Variants in TRERF1 observed in about 807,000 individuals in gnomAD.
TRERF1 encodes transcriptional regulating factor 1, also known as transcriptional-regulating factor 1.
A neutral mutation model predicts 122.9 loss-of-function variants in TRERF1; 27 were observed. The observed-to-expected ratio is 0.22, with a 90% CI of 0.16 to 0.30. TRERF1 has a LOEUF of 0.30. TRERF1 is among the 10% of genes least tolerant of loss of function. The pLI, the probability that TRERF1 is intolerant of heterozygous loss-of-function variation, is 1.00. For missense variants in TRERF1, 1,248 were observed against 1,560.3 expected (o/e 0.80, Z 3.37); for synonymous variants, 636 against 641.7 (o/e 0.99, Z 0.13).
intron 3 of TRERF1, among the ~76,000 whole-genome samples, chr6:42,337,163 A>G (rs2150655345): frequency 6.6e-6 from 1 of 152,318 alleles, no homozygotes; most frequent in East Asian, 1.9e-4. Flanking sequence ...GACGCTGCCC[A>G]AGACCCAGCA....
At chr6:42,226,005 T>A (rs555036867) in exon 18 of TRERF1, 4 of 152,006 alleles carry the variant, frequency 2.6e-5, no homozygotes, top group Admixed American at 1.3e-4. Flanking sequence ...ACACAACACA[T>A]ACATGCAGGC....
chr6:42,374,997 T>A (rs1291239086), intron 2 of TRERF1, among the ~76,000 whole-genome samples: 9 of 118,304 alleles, frequency 7.6e-5, no homozygotes, highest in Non-Finnish European at 1.2e-4. Flanking sequence ...CAGAGCAAGA[T>A]TCTGTCAAAA....
chr6:42,371,495 T>C (rs1399890235), intron 2 of TRERF1, among the ~76,000 whole-genome samples: 3 of 152,270 alleles, frequency 2.0e-5, no homozygotes, highest in East Asian at 1.9e-4. Context: ...CCTCCCAATG[T>C]AGCGGTTCCC....
chr6:42,364,999 G>A (rs373437800), intron 2 of TRERF1, among the ~76,000 whole-genome samples: 18 of 152,146 alleles, frequency 1.2e-4, no homozygotes, highest in African/African-American at 7.2e-5. Flanking sequence ...AGGTGGGAAC[G>A]AGCCCAGATG....
chr6:42,231,060 A>G (rs1770451094), intron 17 of TRERF1, among the ~76,000 whole-genome samples: 1 of 152,270 alleles, frequency 6.6e-6, no homozygotes, highest in South Asian at 2.1e-4. Context: ...CCCAAACAGC[A>G]CATGTTGAAA....
At chr6:42,372,645 A>G (rs564041241) in intron 2 of TRERF1, among the ~76,000 whole-genome samples, 11 of 152,372 alleles carry the variant, frequency 7.2e-5, no homozygotes, top group Non-Finnish European at 1.6e-4. Flanking sequence ...CACTCAAAAC[A>G]GCCAGACAAC....
chr6:42,288,574 C>CAAAAAAAA (rs3074797), intron 4 of TRERF1, among the ~76,000 whole-genome samples: 58 of 86,496 alleles, frequency 6.7e-4, no homozygotes, highest in African/African-American at 2.5e-3. Flanking sequence ...ATCTCAAAAC[C>CAAAAAAAA]AAAAAAAAAA....
At chr6:42,360,792 A>C (rs983984887) in intron 3 of TRERF1, among the ~76,000 whole-genome samples, 25 of 148,068 alleles carry the variant, frequency 1.7e-4, no homozygotes, top group Admixed American at 7.4e-4. Context: ...AAAAAAAAAA[A>C]AAAAAAAAAA....
At chr6:42,451,607 C>G (rs1306380670) in intron 1 of TRERF1, among the ~76,000 whole-genome samples, 67 bp downstream of exon 1, 1 of 151,340 alleles carries the variant, frequency 6.6e-6, no homozygotes. Context: ...TCCCCCCTCC[C>G]CCCTTCTATA....
chr6:42,269,460 C>T lies in TRERF1; in HGVS notation c.131G>A (p.Gly44Glu). The T allele has an allele frequency of 6.2e-7, 1 of 1,614,198 alleles. No homozygotes were observed. The highest frequency in any genetic ancestry group is 8.5e-7 in the Non-Finnish European group (1 of 1,180,044). Residue 44 changes from glycine to glutamate, a missense_variant, in exon 5 of 18, where the codon GGA (glycine) becomes GAA (glutamate). Transcript: ENST00000372922. This position sits in a 1 kb window ranked among gnomAD's most constrained non-coding sequence, Gnocchi z 4.9. ...TGGCGAGGCCTGAGGGGCATCCATT[C>T]CGCCCCCTGTAACTGCATTCCCATA... is the stretch of plus-strand genomic sequence containing the variant.
At chr6:42,283,611 C>CTTT (rs869206003) in intron 4 of TRERF1, among the ~76,000 whole-genome samples, 157 of 107,976 alleles carry the variant, frequency 1.5e-3, no homozygotes, top group Non-Finnish European at 2.1e-3. Context: ...ATGAAAAAAA[C>CTTT]TTTTTTTTTT....
At chr6:42,435,175 A>G (rs1362892618) in intron 2 of TRERF1, among the ~76,000 whole-genome samples, 4 of 151,784 alleles carry the variant, frequency 2.6e-5, no homozygotes, top group African/African-American at 9.7e-5. Flanking sequence ...AAACACACAC[A>G]AAAAAAATGT....
intron 2 of TRERF1, among the ~76,000 whole-genome samples, chr6:42,400,463 C>T (rs944690838): frequency 1.3e-5 from 2 of 152,206 alleles, no homozygotes; most frequent in Non-Finnish European, 2.9e-5. Context: ...CAAGCATTCA[C>T]GATTGCTTGA....
At chr6:42,383,261 A>G (rs552484398) in intron 2 of TRERF1, among the ~76,000 whole-genome samples, 1 of 152,280 alleles carries the variant, frequency 6.6e-6, no homozygotes, top group African/African-American at 2.4e-5. Flanking sequence ...TATTGAGCAT[A>G]GTTTTGAAAA....
chr6:42,238,332 C>T (rs1300807061), intron 15 of TRERF1, among the ~76,000 whole-genome samples: 3 of 152,174 alleles, frequency 2.0e-5, no homozygotes, highest in Non-Finnish European at 4.4e-5. Flanking sequence ...CATATAGCCA[C>T]AAAATTATAA....
chr6:42,281,705 C>T (rs181566905), intron 4 of TRERF1, among the ~76,000 whole-genome samples: 4 of 152,226 alleles, frequency 2.6e-5, no homozygotes, highest in Non-Finnish European at 4.4e-5. Context: ...TGTGTGGAGG[C>T]GGGTCACAGA....
At chr6:42,369,392 C>T (rs1040078939) in intron 2 of TRERF1, among the ~76,000 whole-genome samples, 1 of 152,024 alleles carries the variant, frequency 6.6e-6, no homozygotes, top group Non-Finnish European at 1.5e-5. Flanking sequence ...TGCAATGAGC[C>T]AAGATCAAGC....
chr6:42,424,713 C>T (rs7747366), intron 2 of TRERF1, among the ~76,000 whole-genome samples: 3,686 of 152,188 alleles, frequency 0.024, 96 homozygotes, highest in African/African-American at 0.067. Context: ...GTTTGCCCAT[C>T]GAACAGGGAA....
At chr6:42,291,005 C>T (rs1384951907) in intron 4 of TRERF1, among the ~76,000 whole-genome samples, 1 of 151,708 alleles carries the variant, frequency 6.6e-6, no homozygotes, top group Admixed American at 6.6e-5. Flanking sequence ...TCCTCATGGC[C>T]AATAATAACA....
Sources: allele counts gnomAD v4.1 joint callset (sites outside exome capture counted in the v4.1 genomes callset), GRCh38; gene constraint gnomAD v4.1.1; non-coding constraint Gnocchi (gnomAD v3.1); transcripts MANE v1.5; gene names NCBI Gene and HGNC (gene_info 2026-07-23, HGNC 2026-07-21).